TBC1D16: variants seen among roughly 807,000 people sequenced by gnomAD.
TBC1D16 encodes TBC1 domain family member 16, also known as CTD-2529O21.1.
Under a neutral mutation model 74.7 loss-of-function variants are expected in TBC1D16, and 58 were observed. That is an observed-to-expected ratio of 0.78 (90% CI 0.63 to 0.97). The LOEUF is 0.97. Ranked by LOEUF, TBC1D16 falls within the 50% of genes least tolerant of loss-of-function variation. The probability of loss-of-function intolerance (pLI) is 0.00; values close to 1 mark genes in which losing one functional copy is unlikely to be tolerated. For synonymous variants in TBC1D16, 493 were observed against 474.7 expected, an observed-to-expected ratio of 1.04 and a Z score of -0.50; for missense variants, 1,014 against 1,079.5, an observed-to-expected ratio of 0.94 and a Z score of 0.85.
At chr17:79,945,991 G>C (rs1189692503) in intron 9 of TBC1D16, among the ~76,000 whole-genome samples, 2 of 152,170 alleles carry the variant, frequency 1.3e-5, no homozygotes, top group African/African-American at 4.8e-5. Flanking sequence ...GCCAGGTCAA[G>C]CCCACTCGTG....
In TBC1D16 at chr17:79,971,426, T is replaced by C. The variant is rs1482297092; in HGVS notation, c.780-18608A>G. ...AGACTGAAGTGTGCAGAATCGGCAT[T>C]GGAAGCCTGTCCCCCAGGTCATCCT... On this transcript the variant is annotated intron_variant, in intron 3 of 11. Transcript: ENST00000310924. This position sits in a 1 kb window ranked among gnomAD's most constrained non-coding sequence, Gnocchi z 4.6. 6.6e-6 allele frequency among the ~76,000 whole-genome samples: 1 copy of C among 152,202 alleles called. No homozygotes were observed. The highest frequency in any genetic ancestry group is 1.5e-5 in the Non-Finnish European group (1 of 68,028).
intron 3 of TBC1D16, among the ~76,000 whole-genome samples, chr17:79,959,968 A>T (rs75395966): frequency 0.018 from 2,736 of 152,238 alleles, 83 homozygotes; most frequent in African/African-American, 0.062. Flanking sequence ...TCAACAAAAA[A>T]CTTGTATCCA....
rs111606875 is a variant in TBC1D16 at position 79,975,822 on chromosome 17, A to G, written c.780-23004T>C. On this transcript the variant is annotated intron_variant, in intron 3 of 11. Transcript: ENST00000310924. The surrounding 1 kb of genome is among the most constrained non-coding windows in gnomAD (Gnocchi z 4.5). Reference sequence around the variant, plus strand: ...CCCACACCTGCAGAGCATGAGCCCCACTTTGGAATGACGGGGTCTGTGCAG... The same window carrying G: ...CCCACACCTGCAGAGCATGAGCCCCGCTTTGGAATGACGGGGTCTGTGCAG... Among the ~76,000 whole-genome samples the G allele has an allele frequency of 1.7e-3, 252 of 152,210 alleles. 1 individual carries two copies. The highest frequency in any genetic ancestry group is 5.9e-3 in the African/African-American group (247 of 41,526).
rs1245898429 is a variant in TBC1D16, at chr17:79,939,235, C to T, written c.*1624G>A. 6.6e-6 allele frequency: 1 copy of T among 152,232 alleles called. No individual in the cohort carries two copies. The highest frequency in any genetic ancestry group is 2.4e-5 in the African/African-American group (1 of 41,436). The allele number at this position is 152,232 out of a possible 1,614,324, so 9.4% of individuals were successfully genotyped here. On this transcript the variant is annotated 3_prime_UTR_variant, in exon 12 of 12. Transcript: ENST00000310924. ...CACTGCTAGACAGCAATGGTCGGTA[C>T]CCCAGGATCTGGGCACTGATGGGGC... is the stretch of plus-strand genomic sequence containing the variant.
rs377409158 is a variant in TBC1D16 at position 79,952,659 on chromosome 17, G to A, written c.939C>T (p.Phe313=). ...AGGCGCCCAGAGATGCTTCCTACCTGAAGAAAAGGCGGAGGGAGCGCATGT... is the reference window on the plus strand; with the variant it reads ...AGGCGCCCAGAGATGCTTCCTACCTAAAGAAAAGGCGGAGGGAGCGCATGT... ...LGHMRSLRLF[F]SDEACTSGQL... The change falls in exon 4 of 12, where the codon TTC becomes TTT. Residue 313 remains phenylalanine, a splice_region_variant and synonymous_variant. Transcript: ENST00000310924. The A allele has an allele frequency of 7.5e-6, 12 of 1,593,066 alleles. No homozygotes were observed. In the African/African-American group the frequency reaches 1.6e-4, roughly 21 times the overall value.
In TBC1D16 at chr17:80,009,933, C is replaced by T. The variant is rs1039414861; in HGVS notation, c.779+227G>A. Among the ~76,000 whole-genome samples the T allele has an allele frequency of 2.0e-5, 3 of 152,152 alleles. No homozygotes were observed. Among genetic ancestry groups the T allele is most frequent in the African/African-American group, 7.2e-5 (3 of 41,444 alleles). ...AGGAGAGAGAAGAATGTGGACACCC[C>T]GACGCACCCTTCACAGTCCTCTCAG... On this transcript the variant is annotated intron_variant, in intron 3 of 11. Coordinates refer to ENST00000310924, the MANE Select transcript of TBC1D16 (RefSeq NM_019020.4). The surrounding 1 kb of genome is among the most constrained non-coding windows in gnomAD (Gnocchi z 5.4).
chr17:79,950,998 C>A lies in TBC1D16; in HGVS notation c.1090-420G>T. 1 of 666,586 alleles carries A rather than the reference C, an allele frequency of 1.5e-6. No individual in the cohort carries two copies. Among genetic ancestry groups the A allele is most frequent in the Non-Finnish European group, 2.4e-6 (1 of 413,150 alleles). 41.3% of individuals were successfully genotyped at this position (666,586 alleles called of 1,614,324 possible). ...TCCGCGAGCAGTCACGAATCCAGGG[C>A]AAAACTGCAGCTGACATTTAATTCA... On this transcript the variant is annotated intron_variant, in intron 5 of 11. Transcript: ENST00000310924. This position sits in a 1 kb window ranked among gnomAD's most constrained non-coding sequence, Gnocchi z 4.6.
At chr17:79,991,372 G>C (rs552481542) in intron 3 of TBC1D16, among the ~76,000 whole-genome samples, 1 of 152,260 alleles carries the variant, frequency 6.6e-6, no homozygotes, top group South Asian at 2.1e-4. Flanking sequence ...GACGCGAGGT[G>C]GGGTGGGGTG....
At chr17:79,951,318 A>T in intron 5 of TBC1D16, 132 bp downstream of exon 5, 1 of 1,150,408 alleles carries the variant, frequency 8.7e-7, no homozygotes, top group Non-Finnish European at 1.2e-6. Context: ...ACGGCCAAAA[A>T]CTACCGTGGG....
At position 79,950,395 on chromosome 17, in the gene TBC1D16, C is replaced by A. The variant is rs374356698; in HGVS notation, c.1257+16G>T. 22 of 1,590,500 alleles carry A rather than the reference C, an allele frequency of 1.4e-5. No homozygotes were observed. In the Middle Eastern group the frequency reaches 5.9e-4, roughly 43 times the overall value. On this transcript the variant is annotated intron_variant, in intron 6 of 11. Transcript: ENST00000310924. The surrounding 1 kb of genome is among the most constrained non-coding windows in gnomAD (Gnocchi z 4.6). ...CCGGCTCTCCGCGGGGCCAGCTGGG[C>A]GGACCCGGACCTCACCTTCCGCAGC...
intron 3 of TBC1D16, among the ~76,000 whole-genome samples, chr17:80,004,018 G>A (rs562208796): frequency 2.0e-5 from 3 of 152,356 alleles, no homozygotes; most frequent in Admixed American, 6.5e-5. Flanking sequence ...TGCCGCCACC[G>A]TATGCCGGCC....
chr17:79,977,614 C>T (rs1169899880), intron 3 of TBC1D16, among the ~76,000 whole-genome samples: 2 of 152,264 alleles, frequency 1.3e-5, no homozygotes, highest in Non-Finnish European at 2.9e-5. Flanking sequence ...CTGGACGCTA[C>T]GATCTCTAGG....
In TBC1D16 at chr17:79,993,094, G is replaced by GC. The variant is rs2035136793; in HGVS notation, c.779+17065dup. On this transcript the variant is annotated intron_variant, in intron 3 of 11. Coordinates refer to ENST00000310924, the MANE Select transcript of TBC1D16 (RefSeq NM_019020.4). This position sits in a 1 kb window ranked among gnomAD's most constrained non-coding sequence, Gnocchi z 5.1. The stretch of plus-strand genomic sequence containing the variant: ...CTCATGACAGTCTATGGGGTGGGGA[G>GC]CACTAGCGCCAGCCCCATTGTGCAG... Among the ~76,000 whole-genome samples the GC allele has an allele frequency of 1.3e-5, 2 of 152,168 alleles. No individual in the cohort carries two copies. Among genetic ancestry groups the GC allele is most frequent in the African/African-American group, 4.8e-5 (2 of 41,418 alleles).
Position 80,010,317 on chromosome 17 carries a change from C to T in TBC1D16, c.622G>A (p.Glu208Lys), listed in dbSNP as rs754058438. The change falls in exon 3 of 12, where the codon GAG becomes AAG. Residue 208 changes from glutamate (E) to lysine (K), a missense_variant. Transcript: ENST00000310924. This position sits in a 1 kb window ranked among gnomAD's most constrained non-coding sequence, Gnocchi z 8.8. Reference protein sequence around the residue: ...EGREPRPEAGEEDGSLELSAE... With the variant: ...EGREPRPEAGKEDGSLELSAE... ...GACAGTTCCAAAGAGCCATCCTCCT[C>T]CCCGGCCTCGGGCCGCGGCTCCCGC... 5 of 1,611,574 alleles carry T rather than the reference C, an allele frequency of 3.1e-6. No homozygotes were observed. The African/African-American group carries it at 4.0e-5, about 13-fold the overall frequency.
chr17:79,950,908 A>C lies in TBC1D16; in HGVS notation c.1090-330T>G. On this transcript the variant is annotated intron_variant, in intron 5 of 11. Transcript: ENST00000310924. This position sits in a 1 kb window ranked among gnomAD's most constrained non-coding sequence, Gnocchi z 4.6. ...GCCGGGAGGGCCTGCAATGAATTAC[A>C]TGTGATTGGCCACATACAAAGGGAT... The C allele has an allele frequency of 4.2e-6, 6 of 1,422,150 alleles. No individual in the cohort carries two copies. Among genetic ancestry groups the C allele is most frequent in the Non-Finnish European group, 5.6e-6 (6 of 1,065,794 alleles). 88.1% of individuals were successfully genotyped at this position (1,422,150 alleles called of 1,614,324 possible).
At chr17:79,974,905 C>G (rs796685704) in intron 3 of TBC1D16, among the ~76,000 whole-genome samples, 2 of 152,340 alleles carry the variant, frequency 1.3e-5, no homozygotes, top group African/African-American at 4.8e-5. Context: ...GGGCGCCTTG[C>G]TTTCAGAGTG....
Position 79,985,121 on chromosome 17 carries a change from T to C in TBC1D16, c.779+25039A>G, listed in dbSNP as rs1324563343. Among the ~76,000 whole-genome samples the C allele has an allele frequency of 6.6e-6, 1 of 152,134 alleles. No individual in the cohort carries two copies. Among genetic ancestry groups the C allele is most frequent in the East Asian group, 1.9e-4 (1 of 5,196 alleles). ...TCTGAAGGCTCCAGGCAAGAGTCTT[T>C]CCTGCCTCTTCCAGCTGGAGGTGCT... On this transcript the variant is annotated intron_variant, in intron 3 of 11. Transcript: ENST00000310924. This position sits in a 1 kb window ranked among gnomAD's most constrained non-coding sequence, Gnocchi z 4.9.
Position 80,010,708 on chromosome 17 carries a change from G to A in TBC1D16, c.231C>T (p.Leu77=), listed in dbSNP as rs557605514. 2.0e-6 allele frequency: 3 copies of A among 1,512,774 alleles called. No individual in the cohort carries two copies. The highest frequency in any genetic ancestry group is 1.4e-5 in the African/African-American group (1 of 71,754). 93.7% of individuals were successfully genotyped at this position (1,512,774 alleles called of 1,614,324 possible). A position where few individuals can be genotyped will look rare whatever the true frequency, so the allele number is the denominator to read the frequency against. The stretch of plus-strand genomic sequence containing the variant: ...GAGAGTTGGGGACCCATGCCAGGAT[G>A]AGGGTGGCTCCCAGCATCTCATCCT... ...MEKDEMLGAT[L]ILAWVPNSRI... The change falls in exon 3 of 12, where the codon CTC becomes CTT. Residue 77 remains leucine, a synonymous_variant. Coordinates refer to ENST00000310924, the MANE Select transcript of TBC1D16 (RefSeq NM_019020.4). The surrounding 1 kb of genome is among the most constrained non-coding windows in gnomAD (Gnocchi z 8.8).
In TBC1D16 at chr17:79,944,957, G is replaced by A. The variant is rs915393141; in HGVS notation, c.1859C>T (p.Pro620Leu). ...WLLLCFKREF[P>L]EAEALRIWEA... ...CCAGATCCGCAGCGCTTCGGCCTCG[G>A]GGAACTCCCGCTTGAAGCACAGAAG... Residue 620 changes from proline (P) to leucine (L), a missense_variant, in exon 10 of 12, where the codon CCC becomes CTC. By Grantham distance (98) the Pro-to-Leu change is moderately conservative (BLOSUM62 -3). Transcript: ENST00000310924. The surrounding 1 kb of genome is among the most constrained non-coding windows in gnomAD (Gnocchi z 7.7). 1.3e-6 allele frequency: 2 copies of A among 1,556,554 alleles called. No individual in the cohort carries two copies. Among genetic ancestry groups the A allele is most frequent in the African/African-American group, 2.7e-5 (2 of 73,674 alleles).
Sources: gnomAD v4.1 joint callset for allele counts (sites outside exome capture counted in the v4.1 genomes callset) on GRCh38, gnomAD v4.1.1 for gene constraint, Gnocchi (gnomAD v3.1) non-coding constraint, MANE v1.5 for transcripts, NCBI Gene and HGNC (gene_info 2026-07-23, HGNC 2026-07-21) for gene names.